GALNT13: variants seen among roughly 807,000 people sequenced by gnomAD.
GALNT13 encodes the protein polypeptide N-acetylgalactosaminyltransferase 13, also known as UDP-GalNAc:polypeptide N-acetylgalactosaminyltransferase 13.
A neutral mutation model predicts 64.2 loss-of-function variants in GALNT13; 28 were observed. The observed-to-expected ratio is 0.44, with a 90% CI of 0.32 to 0.60. GALNT13 has a LOEUF of 0.60. Among genes scored for constraint, GALNT13 ranks in the 20% least tolerant of loss-of-function variants. GALNT13 has a pLI of 0.05. For synonymous variants in GALNT13, 214 were observed against 224.6 expected (o/e 0.95, Z 0.42); for missense variants, 577 against 669.8 (o/e 0.86, Z 1.53).
intron 9 of GALNT13, among the ~76,000 whole-genome samples, chr2:154,317,897 ACT>A (rs998533140): frequency 1.1e-4 from 17 of 151,682 alleles, no homozygotes; most frequent in Non-Finnish European, 2.4e-4. Flanking sequence ...CAGGACATAG[ACT>A]CTTATTCATC....
chr2:153,363,704 A>G, the GALNT13 span, among the ~76,000 whole-genome samples: 24 of 152,330 alleles, frequency 1.6e-4, no homozygotes, highest in South Asian at 4.8e-3. Flanking sequence ...AAATCCCTGA[A>G]TAGACCAATG....
chr2:154,072,908 G>A (rs979415297), intron 3 of GALNT13, among the ~76,000 whole-genome samples: 5 of 152,000 alleles, frequency 3.3e-5, no homozygotes, highest in Non-Finnish European at 5.9e-5. Flanking sequence ...ATAGGGATAT[G>A]AAAACATTTT....
the GALNT13 span, among the ~76,000 whole-genome samples, chr2:153,258,400 A>AAAACAAAACAAAACAAAACAAAACC: frequency 6.6e-6 from 1 of 151,508 alleles, no homozygotes; most frequent in Non-Finnish European, 1.5e-5. Context: ...AAAACAAAAC[A>AAAACAAAACAAAACAAAACAAAACC]AAACCCAACT....
chr2:154,390,224 AAGAC>A (rs1490130447), intron 9 of GALNT13, among the ~76,000 whole-genome samples: 3 of 152,204 alleles, frequency 2.0e-5, no homozygotes, highest in African/African-American at 4.8e-5. Flanking sequence ...CTATGAATAA[AAGAC>A]AGATTTTTTT....
At chr2:153,705,995 T>G in the GALNT13 span, among the ~76,000 whole-genome samples, 1 of 152,032 alleles carries the variant, frequency 6.6e-6, no homozygotes, top group Non-Finnish European at 1.5e-5. Flanking sequence ...GGACTATATA[T>G]ATATATATTT....
intron 7 of GALNT13, among the ~76,000 whole-genome samples, chr2:154,249,155 C>G (rs1031747461): frequency 3.9e-5 from 6 of 152,084 alleles, no homozygotes; most frequent in Admixed American, 3.9e-4. Context: ...CTAACACATA[C>G]AAATGGGAGG....
chr2:154,242,602 C>T, intron 5 of GALNT13, 96 bp from the exon 6 acceptor site: 1 of 755,580 alleles, frequency 1.3e-6, no homozygotes, highest in Non-Finnish European at 2.2e-6. Flanking sequence ...AATTGGCCAC[C>T]ATTTCTGTGT....
At chr2:153,335,946 T>G in the GALNT13 span, among the ~76,000 whole-genome samples, 2 of 152,206 alleles carry the variant, frequency 1.3e-5, no homozygotes, top group African/African-American at 4.8e-5. Context: ...CTGTGCCAGC[T>G]GTGGCTGAAA....
At chr2:153,415,094 T>C in the GALNT13 span, among the ~76,000 whole-genome samples, 2 of 152,014 alleles carry the variant, frequency 1.3e-5, no homozygotes, top group African/African-American at 2.4e-5. Flanking sequence ...GGCCTTCCCA[T>C]AAGAGTAGCT....
intron 1 of GALNT13, among the ~76,000 whole-genome samples, chr2:153,892,964 G>A (rs1285668091): frequency 1.3e-5 from 2 of 151,994 alleles, no homozygotes; most frequent in African/African-American, 4.8e-5. Context: ...AAAGAAATTG[G>A]TACTTTATTT....
At chr2:153,597,202 T>C in the GALNT13 span, among the ~76,000 whole-genome samples, 1 of 152,154 alleles carries the variant, frequency 6.6e-6, no homozygotes, top group Non-Finnish European at 1.5e-5. Context: ...GGGCTTTTTA[T>C]TAATAAATTA....
chr2:153,282,382 T>A, the GALNT13 span, among the ~76,000 whole-genome samples: 2 of 152,180 alleles, frequency 1.3e-5, no homozygotes, highest in South Asian at 4.1e-4. Context: ...TCTGAGTTTC[T>A]GTTTTGATTA....
At chr2:153,799,346 C>T in the GALNT13 span, among the ~76,000 whole-genome samples, 1 of 152,048 alleles carries the variant, frequency 6.6e-6, no homozygotes, top group Non-Finnish European at 1.5e-5. Flanking sequence ...GCTTTCAGAC[C>T]CTGTGTACCT....
chr2:153,939,160 T>C (rs955820733), intron 2 of GALNT13, among the ~76,000 whole-genome samples: 4 of 152,138 alleles, frequency 2.6e-5, no homozygotes, highest in Admixed American at 6.6e-5. Flanking sequence ...TGCTGTTTTA[T>C]ATAGGCTGAT....
At chr2:154,378,305 C>T (rs1413018449) in intron 9 of GALNT13, among the ~76,000 whole-genome samples, 3 of 152,090 alleles carry the variant, frequency 2.0e-5, no homozygotes, top group Admixed American at 6.6e-5. Context: ...GGTTGACTAT[C>T]TTAGGAATGA....
intron 4 of GALNT13, among the ~76,000 whole-genome samples, chr2:154,161,806 G>A (rs1475933508): frequency 2.0e-5 from 3 of 149,934 alleles, no homozygotes; most frequent in Non-Finnish European, 4.4e-5. Context: ...GTTTTCAGAC[G>A]GTCTCGCTCT....
At chr2:153,797,582 A>G in the GALNT13 span, among the ~76,000 whole-genome samples, 23 of 152,292 alleles carry the variant, frequency 1.5e-4, no homozygotes, top group Non-Finnish European at 1.0e-4. Flanking sequence ...TAGAGATCAA[A>G]GGCTTAATGT....
At chr2:153,093,633 G>A in the GALNT13 span, among the ~76,000 whole-genome samples, 1 of 152,112 alleles carries the variant, frequency 6.6e-6, no homozygotes, top group Non-Finnish European at 1.5e-5. Context: ...TTGGCCAGTA[G>A]TTTTCTTTTT....
At chr2:153,381,676 A>C in the GALNT13 span, among the ~76,000 whole-genome samples, 1 of 152,162 alleles carries the variant, frequency 6.6e-6, no homozygotes, top group Non-Finnish European at 1.5e-5. Context: ...ATATGTGTCC[A>C]AATCTTGGAC....
Sources: gnomAD v4.1 joint callset for allele counts (sites outside exome capture counted in the v4.1 genomes callset) on GRCh38, gnomAD v4.1.1 for gene constraint, MANE v1.5 for transcripts, NCBI Gene and HGNC (gene_info 2026-07-23, HGNC 2026-07-21) for gene names.